The following MACC1 variants were observed in gnomAD, a reference collection of about 807,000 sequenced individuals.
MACC1 encodes the protein MET transcriptional regulator MACC1.
In MACC1, 79 loss-of-function variants were observed where a neutral mutation model predicts 70.7. That is an observed-to-expected ratio of 1.12 (90% CI 0.93 to 1.35). The LOEUF is 1.35. Among genes scored for constraint, MACC1 ranks in the 40% most tolerant of loss-of-function variants. The probability of loss-of-function intolerance (pLI) is 0.00; values close to 1 mark genes in which losing one functional copy is unlikely to be tolerated. For synonymous variants in MACC1, 361 were observed against 347.2 expected (o/e 1.04, Z -0.44); for missense variants, 1,106 against 978.1 (o/e 1.13, Z -1.74).
intron 2 of MACC1, among the ~76,000 whole-genome samples, chr7:20,165,043 G>A (rs1200116926): frequency 1.3e-5 from 2 of 152,080 alleles, no homozygotes; most frequent in Non-Finnish European, 2.9e-5. Flanking sequence ...GATGCCTTAC[G>A]CAGCTATGAC....
intron 4 of MACC1, among the ~76,000 whole-genome samples, chr7:20,161,113 C>T (rs1284144938): frequency 2.6e-5 from 4 of 151,960 alleles, no homozygotes; most frequent in South Asian, 2.1e-4. Context: ...TAGAGCAACT[C>T]GTACTTGGTC....
chr7:20,137,183 G>A lies in MACC1; in HGVS notation c.*3763C>T, dbSNP rs1781730406. 6.6e-6 allele frequency: 1 copy of A among 151,974 alleles called. No individual in the cohort carries two copies. The highest frequency in any genetic ancestry group is 1.5e-5 in the Non-Finnish European group (1 of 67,994). 9.4% of individuals were successfully genotyped at this position (151,974 alleles called of 1,614,324 possible). A position where few individuals can be genotyped will look rare whatever the true frequency, so the allele number is the denominator to read the frequency against. ...TCAAGTCCTTCAACTTCCAGTTATA[G>A]CATTGTACAAATTTGAGTGTATGCA... On this transcript the variant is annotated 3_prime_UTR_variant, in exon 7 of 7. Coordinates refer to ENST00000400331, the MANE Select transcript of MACC1 (RefSeq NM_182762.4).
chr7:20,158,342 G>A lies in MACC1; in HGVS notation c.2019C>T (p.Tyr673=). 1.2e-6 allele frequency: 2 copies of A among 1,613,876 alleles called. No individual in the cohort carries two copies. The highest frequency in any genetic ancestry group is 1.7e-6 in the Non-Finnish European group (2 of 1,179,976). Reference sequence around the variant, plus strand: ...CAAAATCTTCCAGGGACAGATGTGAGTAACCCAGGACATCAGCTAAAACTT... The same window carrying A: ...CAAAATCTTCCAGGGACAGATGTGAATAACCCAGGACATCAGCTAAAACTT... ...DWKVLADVLG[Y]SHLSLEDFDQ... Residue 673 remains tyrosine (Y), a synonymous_variant, in exon 5 of 7, where the codon TAC becomes TAT. Coordinates refer to ENST00000400331, the MANE Select transcript of MACC1 (RefSeq NM_182762.4).
At chr7:20,197,021 A>C (rs1782764296) in intron 1 of MACC1, among the ~76,000 whole-genome samples, 1 of 152,212 alleles carries the variant, frequency 6.6e-6, no homozygotes. Context: ...GTTGCAAATT[A>C]TCTATAAACA....
At chr7:20,216,224 A>G (rs1178582652) in intron 1 of MACC1, among the ~76,000 whole-genome samples, 1 of 152,166 alleles carries the variant, frequency 6.6e-6, no homozygotes, top group African/African-American at 2.4e-5. Flanking sequence ...CACTGAATAT[A>G]GACTTAAGAC....
intron 5 of MACC1, 98 bp from the exon 6 acceptor site, chr7:20,154,479 CT>C (rs1436321724): frequency 7.9e-5 from 97 of 1,229,326 alleles, no homozygotes; most frequent in East Asian, 1.3e-4. Flanking sequence ...AATGGGAGTC[CT>C]TTTTTTTCAC....
chr7:20,205,999 A>T (rs966746635), intron 1 of MACC1, among the ~76,000 whole-genome samples: 8 of 151,982 alleles, frequency 5.3e-5, no homozygotes, highest in African/African-American at 1.9e-4. Context: ...GCCTTTTGGG[A>T]TAGTTTCACA....
intron 1 of MACC1, among the ~76,000 whole-genome samples, chr7:20,211,651 T>C (rs912166748): frequency 2.0e-5 from 3 of 152,206 alleles, no homozygotes; most frequent in Admixed American, 2.0e-4. Context: ...AAACAGGAAC[T>C]CCTATTTTGG....
chr7:20,194,888 T>G (rs1464216265), intron 1 of MACC1, among the ~76,000 whole-genome samples: 1 of 152,230 alleles, frequency 6.6e-6, no homozygotes, highest in Non-Finnish European at 1.5e-5. Flanking sequence ...ATTGCCTTTA[T>G]AGAGTGATGG....
At chr7:20,151,055 A>G (rs1443931241) in intron 6 of MACC1, among the ~76,000 whole-genome samples, 9 of 107,016 alleles carry the variant, frequency 8.4e-5, no homozygotes, top group Admixed American at 7.2e-4. Flanking sequence ...CTCAAAGGAG[A>G]AAAAAAAAAA....
intron 6 of MACC1, among the ~76,000 whole-genome samples, chr7:20,145,951 A>G (rs1184369311): frequency 6.6e-6 from 1 of 152,122 alleles, no homozygotes; most frequent in African/African-American, 2.4e-5. Context: ...TCATGAGGTC[A>G]GGAGTTCGAG....
chr7:20,135,118 G>A lies in MACC1; in HGVS notation c.*5828C>T, dbSNP rs1781702768. The A allele has an allele frequency of 6.6e-6, 1 of 152,086 alleles. No individual in the cohort carries two copies. The highest frequency in any genetic ancestry group is 1.5e-5 in the Non-Finnish European group (1 of 68,012). 9.4% of individuals were successfully genotyped at this position (152,086 alleles called of 1,614,324 possible). ...AAGAAATTCAACAAATAACACACTA[G>A]GGAAAACAAGGCTTTTTCCGAAGAT... On this transcript the variant is annotated 3_prime_UTR_variant, in exon 7 of 7. Transcript: ENST00000400331.
At chr7:20,188,120 A>T (rs950913324) in intron 1 of MACC1, among the ~76,000 whole-genome samples, 1 of 152,152 alleles carries the variant, frequency 6.6e-6, no homozygotes, top group African/African-American at 2.4e-5. Flanking sequence ...CTCACTCACT[A>T]TCTCAAGAAG....
chr7:20,168,508 C>G (rs187851421), intron 2 of MACC1, among the ~76,000 whole-genome samples: 1 of 152,156 alleles, frequency 6.6e-6, no homozygotes, highest in Non-Finnish European at 1.5e-5. Context: ...AACAGCAGCA[C>G]CAGCAATACC....
At chr7:20,141,185 T>C in intron 6 of MACC1, 27 bp from the exon 7 acceptor site, 1 of 1,474,296 alleles carries the variant, frequency 6.8e-7, no homozygotes, top group Non-Finnish European at 9.2e-7. Context: ...TAGATTGGAG[T>C]AGTGTGGAAG....
intron 1 of MACC1, among the ~76,000 whole-genome samples, chr7:20,200,215 T>C (rs1347281921): frequency 6.6e-6 from 1 of 151,562 alleles, no homozygotes; most frequent in African/African-American, 2.4e-5. Context: ...ACGAAGAATC[T>C]TTTAAAAGAT....
chr7:20,176,308 A>T (rs1351181783), intron 1 of MACC1, among the ~76,000 whole-genome samples: 2 of 152,110 alleles, frequency 1.3e-5, no homozygotes, highest in African/African-American at 4.8e-5. Context: ...AAAATAAAAG[A>T]GAAGTCTATA....
chr7:20,158,953 AT>A lies in MACC1; in HGVS notation c.1407del (p.Gln469HisfsTer6), dbSNP rs768282954. On this transcript the variant is annotated frameshift_variant, in exon 5 of 7. Coordinates refer to ENST00000400331, the MANE Select transcript of MACC1 (RefSeq NM_182762.4). LOFTEE classifies it high-confidence loss of function. ...CTGTGCTCAACTAAAGAAAATAAAA[AT>A]TGTTGATGAACTACTTCACCTGCTT... ...QLEAGEVVHQ[Q>X]FLFSLVEHRE... The A allele has an allele frequency of 6.2e-7, 1 of 1,614,014 alleles. No individual in the cohort carries two copies. The highest frequency in any genetic ancestry group is 1.1e-5 in the South Asian group (1 of 91,052).
At chr7:20,170,511 C>T (rs1218942709) in intron 2 of MACC1, 1 of 152,168 alleles carries the variant, frequency 6.6e-6, no homozygotes, top group East Asian at 1.9e-4. Context: ...GATTATTCAA[C>T]TTGACAATAC....
Sources: allele counts gnomAD v4.1 joint callset (sites outside exome capture counted in the v4.1 genomes callset), GRCh38; gene constraint gnomAD v4.1.1; transcripts MANE v1.5; gene names NCBI Gene and HGNC (gene_info 2026-07-23, HGNC 2026-07-21).